NPHP4: variants seen among roughly 807,000 people sequenced by gnomAD.
NPHP4 encodes nephrocystin-4.
NPHP4 carries 151 observed loss-of-function variants against 155.8 expected under a neutral mutation model. The observed-to-expected ratio is 0.97, with a 90% confidence interval of 0.85 to 1.11. NPHP4 has a LOEUF of 1.11. NPHP4 is among the 50% of genes least tolerant of loss of function. The pLI, the probability that NPHP4 is intolerant of heterozygous loss-of-function variation, is 0.00. For missense variants in NPHP4, 1,956 were observed against 1,925.7 expected, an observed-to-expected ratio of 1.02 and a Z score of -0.29; for synonymous variants, 845 against 816.8, an observed-to-expected ratio of 1.03 and a Z score of -0.59.
rs1411343623 is a variant in NPHP4, at chr1:5,948,218, T to C, written c.844A>G (p.Ile282Val). 8.8e-6 allele frequency: 14 copies of C among 1,595,100 alleles called. No homozygotes were observed. Among genetic ancestry groups the C allele is most frequent in the Non-Finnish European group, 1.2e-5 (14 of 1,173,192 alleles). ...CGPLDGGALE[I>V]LERRLRVGVH... ...CCCACACGCAGGCGCCGCTCCAGGA[T>C]CTCCAGGGCACCACCGTCCAGTGGG... The change falls in exon 8 of 30, where the codon ATC (isoleucine) becomes GTC (valine). Residue 282 changes from isoleucine to valine, a missense_variant. Ile to Val is a conservative substitution (Grantham distance 29). Transcript: ENST00000378156.
At chr1:5,898,523 C>T (rs144095633) in intron 16 of NPHP4, among the ~76,000 whole-genome samples, 199 of 152,338 alleles carry the variant, frequency 1.3e-3, no homozygotes, top group Middle Eastern at 6.8e-3. Context: ...AGCCCCCCAG[C>T]GGCTCTGCCG....
chr1:5,983,742 T>C (rs7552237), intron 2 of NPHP4, among the ~76,000 whole-genome samples: 9,318 of 152,264 alleles, frequency 0.061, 924 homozygotes, highest in African/African-American at 0.21. Flanking sequence ...CATTTAGAGA[T>C]TGTTACGTTT....
intron 6 of NPHP4, among the ~76,000 whole-genome samples, chr1:5,954,006 T>A (rs1047559891): frequency 6.6e-6 from 1 of 152,242 alleles, no homozygotes; most frequent in African/African-American, 2.4e-5. Context: ...CTGATGAAAC[T>A]GCCGTCAAAA....
chr1:5,908,602 C>T (rs1279412623), intron 12 of NPHP4, among the ~76,000 whole-genome samples: 6 of 151,938 alleles, frequency 3.9e-5, no homozygotes, highest in Non-Finnish European at 5.9e-5. Context: ...TGGCGGGCAA[C>T]GGCCCAGCGG....
intron 7 of NPHP4, among the ~76,000 whole-genome samples, chr1:5,952,256 G>A (rs995592148): frequency 6.6e-5 from 10 of 152,214 alleles, no homozygotes; most frequent in African/African-American, 1.9e-4. Flanking sequence ...CCATGTCCCC[G>A]CCGACGTCCT....
intron 23 of NPHP4, chr1:5,868,152 C>T (rs773568388): frequency 8.3e-6 from 5 of 605,514 alleles, no homozygotes; most frequent in Non-Finnish European, 1.5e-5. Flanking sequence ...TGCCATTATT[C>T]CTCGCGAGTA....
In NPHP4 at chr1:5,984,163, G is replaced by A. The variant is rs546714107; in HGVS notation, c.135+1992C>T. ...TCATTCATATAAAGAAACACCTTGC[G>A]GTCTTAAGAACAATAAAATTTTCTT... On this transcript the variant is annotated intron_variant, in intron 2 of 29. Coordinates refer to ENST00000378156, the MANE Select transcript of NPHP4 (RefSeq NM_015102.5). Among the ~76,000 whole-genome samples the A allele has an allele frequency of 3.3e-5, 5 of 152,156 alleles. No individual in the cohort carries two copies. The South Asian group carries it at 6.3e-4, about 19-fold the overall frequency.
chr1:5,922,725 C>G lies in NPHP4; in HGVS notation c.1441+4924G>C, dbSNP rs937636465. ...CCTGGCTTAGCCGGGCACGGTGGCA[C>G]TGCCTGCAGTCCTGGCTTAGCCGGG... On this transcript the variant is annotated intron_variant, in intron 11 of 29. Transcript: ENST00000378156. Among the ~76,000 whole-genome samples, 39 of 150,170 alleles carry G rather than the reference C, an allele frequency of 2.6e-4. 1 individual carries two copies. The highest frequency in any genetic ancestry group is 9.5e-4 in the African/African-American group (39 of 40,878).
chr1:5,930,352 C>T (rs967979961), intron 10 of NPHP4, among the ~76,000 whole-genome samples: 1 of 151,996 alleles, frequency 6.6e-6, no homozygotes, highest in Non-Finnish European at 1.5e-5. Context: ...GTTTATTTTA[C>T]TCTTCTTTTT....
rs1570371719 is a variant in NPHP4 at position 5,907,035 on chromosome 1, G to C, written c.1611+80C>G. 5.8e-5 allele frequency: 43 copies of C among 745,214 alleles called. No homozygotes were observed. The East Asian group carries it at 1.3e-3, about 22-fold the overall frequency. 46.2% of individuals were successfully genotyped at this position (745,214 alleles called of 1,614,324 possible). Reference sequence around the variant, plus strand: ...GTCTCTGCCACCTAACTAAGGACAGGCACAGTGCAAAAACCCAAAATGAGG... The same window carrying C: ...GTCTCTGCCACCTAACTAAGGACAGCCACAGTGCAAAAACCCAAAATGAGG... On this transcript the variant is annotated intron_variant, in intron 13 of 29. Transcript: ENST00000378156.
chr1:5,880,411 G>T, intron 18 of NPHP4, 172 bp from the exon 19 acceptor site: 1 of 626,258 alleles, frequency 1.6e-6, no homozygotes, highest in Non-Finnish European at 2.8e-6. Context: ...ACAGGTGGGA[G>T]CTCGTTCTGC....
At chr1:5,914,179 G>A (rs1645334929) in intron 11 of NPHP4, among the ~76,000 whole-genome samples, 1 of 149,196 alleles carries the variant, frequency 6.7e-6, no homozygotes, top group African/African-American at 2.5e-5. Flanking sequence ...CAGCACTTTG[G>A]GAGGCCAAGG....
chr1:5,887,500 G>GCCGGCCCTGGGCTGCTTCCA (rs1291558168), intron 17 of NPHP4, 34 bp from the exon 18 acceptor site: 1 of 1,606,224 alleles, frequency 6.2e-7, no homozygotes. Flanking sequence ...AGAGGCTGGA[G>GCCGGCCCTGGGCTGCTTCCA]CCGGCCCTGG....
At chr1:5,951,605 G>A (rs1372094996) in intron 7 of NPHP4, among the ~76,000 whole-genome samples, 3 of 152,212 alleles carry the variant, frequency 2.0e-5, no homozygotes, top group African/African-American at 7.2e-5. Context: ...CGTCCCACAT[G>A]CCTGTTCCCC....
intron 11 of NPHP4, among the ~76,000 whole-genome samples, chr1:5,914,299 T>C (rs118121732): frequency 0.046 from 5,361 of 117,104 alleles, 225 homozygotes; most frequent in East Asian, 0.25. Flanking sequence ...CCTGGTGTGG[T>C]GGCATGCACC....
intron 6 of NPHP4, among the ~76,000 whole-genome samples, chr1:5,959,437 C>G (rs1327041199): frequency 6.6e-6 from 1 of 152,186 alleles, no homozygotes; most frequent in Non-Finnish European, 1.5e-5. Context: ...TTGGCCCCAG[C>G]TTGACACAAG....
At chr1:5,912,823 C>T (rs541960970) in intron 11 of NPHP4, among the ~76,000 whole-genome samples, 3 of 152,298 alleles carry the variant, frequency 2.0e-5, no homozygotes, top group East Asian at 3.9e-4. Context: ...TCTCCCAACA[C>T]GGAGCCCCTC....
intron 11 of NPHP4, among the ~76,000 whole-genome samples, chr1:5,909,509 T>A (rs1158312427): frequency 6.6e-6 from 1 of 152,166 alleles, no homozygotes; most frequent in Admixed American, 6.5e-5. Flanking sequence ...TGGAGCTCCC[T>A]AACACGCTTC....
At chr1:5,940,344 C>T (rs549709246) in intron 9 of NPHP4, among the ~76,000 whole-genome samples, 1 of 152,130 alleles carries the variant, frequency 6.6e-6, no homozygotes, top group Non-Finnish European at 1.5e-5. Flanking sequence ...GATGCTGGCA[C>T]CTTGATCTTG....
Sources: gnomAD v4.1 joint callset for allele counts (sites outside exome capture counted in the v4.1 genomes callset) on GRCh38, gnomAD v4.1.1 for gene constraint, MANE v1.5 for transcripts, NCBI Gene and HGNC (gene_info 2026-07-23, HGNC 2026-07-21) for gene names.